Variants in MAPKAP1 observed in about 807,000 individuals in gnomAD.
The protein encoded by MAPKAP1 is target of rapamycin complex 2 subunit MAPKAP1.
A neutral mutation model predicts 65.7 loss-of-function variants in MAPKAP1; 20 were observed. The ratio of observed to expected loss-of-function variants is 0.30; its 90% CI spans 0.21 to 0.44. The LOEUF is 0.44. Ranked by LOEUF, MAPKAP1 falls within the 20% of genes least tolerant of loss-of-function variation. The pLI is 1.00. For synonymous variants in MAPKAP1, 222 were observed against 244.3 expected, an observed-to-expected ratio of 0.91 and a Z score of 0.85; for missense variants, 423 against 648.0, an observed-to-expected ratio of 0.65 and a Z score of 3.77.
At chr9:125,640,303 T>C (rs1231102590) in intron 4 of MAPKAP1, among the ~76,000 whole-genome samples, 3 of 151,962 alleles carry the variant, frequency 2.0e-5, no homozygotes, top group Non-Finnish European at 2.9e-5. Context: ...CAGGGTTTCA[T>C]CGTGTTAGCC....
chr9:125,634,064 G>C (rs1317354359), intron 4 of MAPKAP1, among the ~76,000 whole-genome samples: 2 of 152,112 alleles, frequency 1.3e-5, no homozygotes, highest in African/African-American at 2.4e-5. Flanking sequence ...TAAAATGCTG[G>C]GTTTCTTTAT....
At chr9:125,631,838 T>C (rs1026935847) in intron 4 of MAPKAP1, among the ~76,000 whole-genome samples, 14 of 152,176 alleles carry the variant, frequency 9.2e-5, no homozygotes, top group Non-Finnish European at 1.6e-4. Flanking sequence ...CCTCCCATCC[T>C]TCAAGGCTTG....
intron 8 of MAPKAP1, among the ~76,000 whole-genome samples, chr9:125,492,329 T>C (rs1854766713): frequency 6.6e-6 from 1 of 152,228 alleles, no homozygotes; most frequent in Non-Finnish European, 1.5e-5. Flanking sequence ...TGCCATGTTT[T>C]CATTGCCCCT....
At chr9:125,705,900 G>A (rs1427007694) in intron 1 of MAPKAP1, among the ~76,000 whole-genome samples, 2 of 152,170 alleles carry the variant, frequency 1.3e-5, no homozygotes, top group East Asian at 1.9e-4. Flanking sequence ...TCAGGATGGG[G>A]TAATTAAAGA....
chr9:125,588,982 G>A (rs1831872391), intron 4 of MAPKAP1, among the ~76,000 whole-genome samples: 1 of 152,160 alleles, frequency 6.6e-6, no homozygotes. Flanking sequence ...TCACGTCCCA[G>A]GGCTTAGCAG....
In MAPKAP1 at chr9:125,438,911, C is replaced by A; in HGVS notation, c.1545G>T (p.Lys515Asn). The change falls in exon 12 of 12, where the codon AAG becomes AAT. Residue 515 changes from lysine (K) to asparagine (N), a missense_variant. Physicochemically the swap from Lys to Asn is moderately conservative, Grantham distance 94. Around this residue, in one of 6 missense-constraint regions of MAPKAP1, gnomAD observed 185 missense variants for 268.1 expected, o/e 0.69. Coordinates refer to ENST00000265960, the MANE Select transcript of MAPKAP1 (RefSeq NM_001006617.3). ...LNRRTSFSFQ[K>N]EKKSGQQ The stretch of plus-strand genomic sequence containing the variant: ...GTCACTGCTGCCCGGATTTCTTCTC[C>A]TTCTGGAAGCTGAAGCTCGTACGTC... 6.2e-7 allele frequency: 1 copy of A among 1,614,226 alleles called. No homozygotes were observed.
At chr9:125,605,248 A>G (rs140557681) in intron 4 of MAPKAP1, among the ~76,000 whole-genome samples, 2,150 of 152,338 alleles carry the variant, frequency 0.014, 18 homozygotes, top group South Asian at 0.041. Flanking sequence ...ATGCTATTCA[A>G]AAGATAAATG....
intron 1 of MAPKAP1, among the ~76,000 whole-genome samples, chr9:125,686,352 A>AT (rs1221088755): frequency 1.3e-5 from 2 of 151,940 alleles, no homozygotes; most frequent in Non-Finnish European, 2.9e-5. Flanking sequence ...AGAAAAAAGA[A>AT]TAAAAAAAAG....
intron 4 of MAPKAP1, among the ~76,000 whole-genome samples, chr9:125,641,558 CAATT>C (rs996130571): frequency 6.6e-6 from 1 of 151,790 alleles, no homozygotes; most frequent in Non-Finnish European, 1.5e-5. Context: ...ATTATTGTGA[CAATT>C]AAAGGAGCAA....
intron 5 of MAPKAP1, among the ~76,000 whole-genome samples, chr9:125,583,801 C>A (rs574956633): frequency 6.6e-6 from 1 of 152,316 alleles, no homozygotes; most frequent in East Asian, 1.9e-4. Flanking sequence ...CAGTGGCTCA[C>A]GCCTGTAATC....
intron 8 of MAPKAP1, among the ~76,000 whole-genome samples, chr9:125,500,581 A>G (rs945991273): frequency 6.6e-6 from 1 of 152,226 alleles, no homozygotes; most frequent in Non-Finnish European, 1.5e-5. Flanking sequence ...TGATACATAC[A>G]TGCATATACA....
intron 3 of MAPKAP1, among the ~76,000 whole-genome samples, chr9:125,658,770 A>G (rs1391474905): frequency 6.6e-6 from 1 of 152,234 alleles, no homozygotes; most frequent in Non-Finnish European, 1.5e-5. Context: ...AATATCAATC[A>G]AGGTGGCGGT....
At chr9:125,561,612 T>C (rs1014388891) in intron 5 of MAPKAP1, among the ~76,000 whole-genome samples, 6 of 152,226 alleles carry the variant, frequency 3.9e-5, no homozygotes, top group Non-Finnish European at 2.9e-5. Flanking sequence ...AATGTCATGG[T>C]ATACTGGCTA....
At chr9:125,543,230 T>A in intron 6 of MAPKAP1, 62 bp from the exon 7 acceptor site, 1 of 1,228,918 alleles carries the variant, frequency 8.1e-7, no homozygotes, top group Non-Finnish European at 1.2e-6. Flanking sequence ...GTTACTGCAA[T>A]CTTCACTGTG....
chr9:125,526,404 T>C (rs764236111), intron 7 of MAPKAP1, among the ~76,000 whole-genome samples: 3 of 152,244 alleles, frequency 2.0e-5, no homozygotes, highest in Non-Finnish European at 2.9e-5. Flanking sequence ...ATATTAGTCA[T>C]CCTTCCAATG....
At position 125,542,870 on chromosome 9, in the gene MAPKAP1, C is replaced by T. The variant is rs929507651; in HGVS notation, c.958+189G>A. 6 of 744,622 alleles carry T rather than the reference C, an allele frequency of 8.1e-6. No individual in the cohort carries two copies. The East Asian group carries it at 1.5e-4, about 19-fold the overall frequency. 46.1% of individuals were successfully genotyped at this position (744,622 alleles called of 1,614,324 possible). A position where few individuals can be genotyped will look rare whatever the true frequency, so the allele number is the denominator to read the frequency against. Reference sequence around the variant, plus strand: ...GAATACATTCTTCTCACATATGCCGCTGACCCAGTCCCTTTCTGAGGCCGA... The same window carrying T: ...GAATACATTCTTCTCACATATGCCGTTGACCCAGTCCCTTTCTGAGGCCGA... On this transcript the variant is annotated intron_variant, in intron 7 of 11. Transcript: ENST00000265960.
chr9:125,706,255 T>C (rs190424553), intron 1 of MAPKAP1, among the ~76,000 whole-genome samples: 31 of 152,160 alleles, frequency 2.0e-4, no homozygotes, highest in African/African-American at 6.7e-4. Flanking sequence ...CTGCTTTTTT[T>C]AAACCAATGG....
At chr9:125,523,035 C>G (rs1300860813) in intron 7 of MAPKAP1, among the ~76,000 whole-genome samples, 2 of 152,236 alleles carry the variant, frequency 1.3e-5, no homozygotes, top group Admixed American at 6.5e-5. Flanking sequence ...TGGCCTCCTT[C>G]CTTTCCCCAC....
At chr9:125,594,709 A>G (rs372909123) in intron 4 of MAPKAP1, among the ~76,000 whole-genome samples, 2 of 150,924 alleles carry the variant, frequency 1.3e-5, no homozygotes, top group East Asian at 3.9e-4. Context: ...CCTTCCCCAC[A>G]CTCTCTCATT....
Sources: gnomAD v4.1 joint callset for allele counts (sites outside exome capture counted in the v4.1 genomes callset) on GRCh38, gnomAD v4.1.1 for gene constraint, gnomAD v4.1.1 regional missense constraint, MANE v1.5 for transcripts, NCBI Gene and HGNC (gene_info 2026-07-23, HGNC 2026-07-21) for gene names.